Variants in TOP2B observed in about 807,000 individuals in gnomAD.
TOP2B encodes DNA topoisomerase 2-beta.
Under a neutral mutation model 193.5 loss-of-function variants are expected in TOP2B, and 51 were observed. That is an observed-to-expected ratio of 0.26 (90% confidence interval 0.21 to 0.33). The LOEUF (loss-of-function observed/expected upper bound fraction) is 0.33. Among genes scored for constraint, TOP2B ranks in the 10% least tolerant of loss-of-function variants. The pLI, the probability that TOP2B is intolerant of heterozygous loss-of-function variation, is 1.00. For missense variants in TOP2B, 1,378 were observed against 1,909.3 expected, an observed-to-expected ratio of 0.72 and a Z score of 5.19; for synonymous variants, 634 against 635.7, an observed-to-expected ratio of 1.00 and a Z score of 0.04.
intron 28 of TOP2B, among the ~76,000 whole-genome samples, chr3:25,611,679 A>G (rs1375384560): frequency 6.6e-6 from 1 of 151,444 alleles, no homozygotes; most frequent in Non-Finnish European, 1.5e-5. Flanking sequence ...GGTTAGGTCA[A>G]CGCCATTTTT....
chr3:25,606,069 G>T lies in TOP2B; in HGVS notation c.4352C>A (p.Pro1451His). Residue 1451 changes from proline (P) to histidine (H), a missense_variant, in exon 32 of 36, where the codon CCT (proline) becomes CAT (histidine). Transcript: ENST00000264331. ...SQDFGNLFSF[P>H]SYSQKSEDDS... ...ATCTTCTGACTTCTGAGAATATGAAGGAAATGAGAAGAGATTTCCAAAATC... is the reference window on the plus strand; with the variant it reads ...ATCTTCTGACTTCTGAGAATATGAATGAAATGAGAAGAGATTTCCAAAATC... The T allele has an allele frequency of 6.7e-7, 1 of 1,500,650 alleles. No homozygotes were observed. The highest frequency in any genetic ancestry group is 1.3e-5 in the South Asian group (1 of 75,388). 93.0% of individuals were successfully genotyped at this position (1,500,650 alleles called of 1,614,324 possible).
rs12635756 is a variant in TOP2B at position 25,649,350 on chromosome 3, C to T, written c.70-3880G>A. On this transcript the variant is annotated intron_variant, in intron 1 of 35. Coordinates refer to ENST00000264331, the MANE Select transcript of TOP2B (RefSeq NM_001330700.2). ...TATTTGAAGAAATAATAGCTGAAAA[C>T]TTTCCAAATCTGAGGACATAAATGC... Among the ~76,000 whole-genome samples, 341 of 152,150 alleles carry T rather than the reference C, an allele frequency of 2.2e-3. 6 individuals are homozygous for T. The East Asian group carries it at 0.042, about 19-fold the overall frequency.
At chr3:25,657,453 G>A (rs1703778346) in intron 1 of TOP2B, among the ~76,000 whole-genome samples, 1 of 151,958 alleles carries the variant, frequency 6.6e-6, no homozygotes, top group Non-Finnish European at 1.5e-5. Context: ...TGTCACCCTG[G>A]GTAGCTCTTC....
chr3:25,609,794 C>A (rs145608910), intron 28 of TOP2B, 82 bp from the exon 29 acceptor site: 21 of 1,330,118 alleles, frequency 1.6e-5, no homozygotes, highest in East Asian at 2.7e-5. Flanking sequence ...CAACAGATAG[C>A]GCCTTCAAAT....
intron 25 of TOP2B, 104 bp downstream of exon 25, chr3:25,618,314 C>A (rs1172631833): frequency 1.5e-5 from 11 of 747,090 alleles, no homozygotes; most frequent in Non-Finnish European, 2.5e-5. Flanking sequence ...GACAACTCAG[C>A]ACCTTTAGTA....
At chr3:25,599,312 C>T (rs1479446531) in intron 35 of TOP2B, 123 bp downstream of exon 35, 2 of 743,178 alleles carry the variant, frequency 2.7e-6, no homozygotes, top group South Asian at 1.9e-5. Context: ...AATACAAGCC[C>T]CATATTGATA....
At chr3:25,646,272 C>A (rs956640461) in intron 1 of TOP2B, among the ~76,000 whole-genome samples, 1 of 152,158 alleles carries the variant, frequency 6.6e-6, no homozygotes, top group African/African-American at 2.4e-5. Flanking sequence ...TTAATAAACA[C>A]TGATATGACT....
intron 1 of TOP2B, among the ~76,000 whole-genome samples, chr3:25,647,245 G>T (rs191188975): frequency 6.6e-6 from 1 of 152,196 alleles, no homozygotes; most frequent in East Asian, 1.9e-4. Context: ...GCGCAGTGAC[G>T]TTAATTTATA....
chr3:25,610,418 A>G (rs1702339580), intron 28 of TOP2B, among the ~76,000 whole-genome samples: 1 of 152,192 alleles, frequency 6.6e-6, no homozygotes, highest in Admixed American at 6.5e-5. Context: ...CAGGGTCAAA[A>G]AAGTCTCCAT....
At position 25,662,959 on chromosome 3, in the gene TOP2B, A is replaced by ATG. The variant is rs796482250; in HGVS notation, c.69+1269_69+1270insCA. 2.2e-4 allele frequency among the ~76,000 whole-genome samples: 33 copies of ATG among 152,300 alleles called. 1 individual carries two copies. Among genetic ancestry groups the ATG allele is most frequent in the Middle Eastern group, 3.4e-3 (1 of 294 alleles). On this transcript the variant is annotated intron_variant, in intron 1 of 35. Transcript: ENST00000264331. ...TCCATCTCCTCCTTCTTCCTCTCAC[A>ATG]TACCCTCTACTGCAAGTCCACATGG...
At chr3:25,639,760 T>C (rs1270335523) in intron 4 of TOP2B, among the ~76,000 whole-genome samples, 1 of 152,232 alleles carries the variant, frequency 6.6e-6, no homozygotes, top group East Asian at 1.9e-4. Flanking sequence ...TGGCATCCCT[T>C]GTATTTAATC....
At chr3:25,612,856 GA>G (rs896460530) in intron 27 of TOP2B, 147 bp from the exon 28 acceptor site, 17 of 588,328 alleles carry the variant, frequency 2.9e-5, no homozygotes, top group African/African-American at 2.2e-4. Context: ...TTAAATAATG[GA>G]AAAAAAATAA....
intron 1 of TOP2B, among the ~76,000 whole-genome samples, chr3:25,651,321 AGT>A (rs1703582099): frequency 6.6e-6 from 1 of 152,148 alleles, no homozygotes; most frequent in East Asian, 1.9e-4. Flanking sequence ...ATGGCATTGA[AGT>A]TACTAATTTA....
rs1702079843 is a variant in TOP2B, at chr3:25,601,071, T to TAA, written c.4615+28_4615+29insTT. Reference sequence around the variant, plus strand: ...TCAATCTTTTCCACACAGCATATGTTTAAAGGGTTATAAGAAGATAATCCT... The same window carrying TAA: ...TCAATCTTTTCCACACAGCATATGTTAATAAAGGGTTATAAGAAGATAATCCT... On this transcript the variant is annotated intron_variant, in intron 34 of 35. Transcript: ENST00000264331. 3.1e-6 allele frequency: 5 copies of TAA among 1,607,474 alleles called. No individual in the cohort carries two copies. The East Asian group carries it at 8.9e-5, about 29-fold the overall frequency.
chr3:25,613,594 G>A (rs901575858), intron 27 of TOP2B, among the ~76,000 whole-genome samples: 8 of 152,048 alleles, frequency 5.3e-5, no homozygotes, highest in Non-Finnish European at 1.0e-4. Flanking sequence ...TTAGCCAGAT[G>A]TGGTGGCACA....
chr3:25,630,283 TAC>T lies in TOP2B; in HGVS notation c.1563+27_1563+28del, dbSNP rs770389104. On this transcript the variant is annotated intron_variant, in intron 12 of 35. Coordinates refer to ENST00000264331, the MANE Select transcript of TOP2B (RefSeq NM_001330700.2). Reference sequence around the variant, plus strand: ...TCATATGTATGTGTGCATGTGTGTATACACATATATATACACACACATACATA... The same window carrying T: ...TCATATGTATGTGTGCATGTGTGTATACATATATATACACACACATACATA... 91 of 1,540,756 alleles carry T rather than the reference TAC, an allele frequency of 5.9e-5. 1 individual carries two copies. In the African/African-American group the frequency reaches 7.0e-4, roughly 12 times the overall value.
chr3:25,641,522 TA>T lies in TOP2B; in HGVS notation c.395+799del, dbSNP rs201068828. On this transcript the variant is annotated intron_variant, in intron 4 of 35. Transcript: ENST00000264331. ...ATTCATTATAGAAATAATCCAAATT[TA>T]AAAAAAAATGGAGAAAAAAATAAAT... 7.1e-3 allele frequency among the ~76,000 whole-genome samples: 961 copies of T among 135,768 alleles called. 9 individuals carry two copies. Among genetic ancestry groups the T allele is most frequent in the African/African-American group, 0.025 (848 of 33,696 alleles). 89.1% of individuals were successfully genotyped at this position (135,768 alleles called of 152,430 possible).
chr3:25,630,184 G>GT (rs1702916396), intron 12 of TOP2B, 30 bp from the exon 13 acceptor site: 7 of 1,530,504 alleles, frequency 4.6e-6, no homozygotes, highest in Non-Finnish European at 5.3e-6. Context: ...ACTGAGAGTA[G>GT]TTTGAAGTGT....
chr3:25,660,153 T>C (rs1703867355), intron 1 of TOP2B, among the ~76,000 whole-genome samples: 1 of 152,228 alleles, frequency 6.6e-6, no homozygotes, highest in South Asian at 2.1e-4. Context: ...AATACTGCTA[T>C]ATCATGTACT....
Sources: gnomAD v4.1 joint callset for allele counts (sites outside exome capture counted in the v4.1 genomes callset) on GRCh38, gnomAD v4.1.1 for gene constraint, MANE v1.5 for transcripts, NCBI Gene and HGNC (gene_info 2026-07-23, HGNC 2026-07-21) for gene names.